Variants in SCMH1 observed in about 807,000 individuals in gnomAD.
SCMH1 encodes the protein polycomb protein SCMH1.
SCMH1 carries 37 observed loss-of-function variants against 70.8 expected under a neutral mutation model. The ratio of observed to expected loss-of-function variants is 0.52; its 90% CI spans 0.40 to 0.69. SCMH1 has a LOEUF of 0.69. SCMH1 is among the 30% of genes least tolerant of loss of function. The pLI is 0.00. For synonymous variants in SCMH1, 292 were observed against 307.4 expected, an observed-to-expected ratio of 0.95 and a Z score of 0.52; for missense variants, 607 against 827.3, an observed-to-expected ratio of 0.73 and a Z score of 3.27.
intron 6 of SCMH1, among the ~76,000 whole-genome samples, chr1:41,118,314 CCTAGAAAACTTTCTAGG>C (rs1470728237): frequency 6.6e-6 from 1 of 152,060 alleles, no homozygotes; most frequent in East Asian, 1.9e-4. Context: ...TAACGTAATG[CCTAGAAAACTTTCTAGG>C]CATTTGAAAA....
chr1:41,046,784 T>C, intron 11 of SCMH1, 186 bp from the exon 12 acceptor site: 1 of 579,240 alleles, frequency 1.7e-6, no homozygotes, highest in Non-Finnish European at 3.1e-6. Flanking sequence ...TGCCTCCAAC[T>C]GTAAAGGGCT....
intron 4 of SCMH1, chr1:41,159,865 G>A (rs1645874040): frequency 7.7e-7 from 1 of 1,296,466 alleles, no homozygotes; most frequent in Non-Finnish European, 9.9e-7. Context: ...ATCCTCCAAA[G>A]TTGAAAAGTA....
intron 8 of SCMH1, among the ~76,000 whole-genome samples, chr1:41,102,259 T>C (rs547056980): frequency 6.6e-6 from 1 of 152,358 alleles, no homozygotes; most frequent in African/African-American, 2.4e-5. Context: ...ATTTGGTTTA[T>C]CAGTTTCCTG....
intron 5 of SCMH1, among the ~76,000 whole-genome samples, chr1:41,147,009 T>C (rs1213188095): frequency 1.3e-5 from 2 of 152,150 alleles, no homozygotes; most frequent in African/African-American, 4.8e-5. Context: ...CCATTCTGCA[T>C]TTTCACCAGC....
At chr1:41,076,173 G>A (rs1175005628) in intron 8 of SCMH1, among the ~76,000 whole-genome samples, 2 of 151,962 alleles carry the variant, frequency 1.3e-5, no homozygotes, top group Admixed American at 6.6e-5. Flanking sequence ...GCCCTTATAT[G>A]TTGAGCTCTC....
chr1:41,236,603 G>A (rs1662432699), intron 1 of SCMH1, among the ~76,000 whole-genome samples: 1 of 152,104 alleles, frequency 6.6e-6, no homozygotes, highest in Non-Finnish European at 1.5e-5. Flanking sequence ...CTGGCGATAA[G>A]GTTATCAAAA....
intron 6 of SCMH1, among the ~76,000 whole-genome samples, chr1:41,127,243 T>C (rs1673425054): frequency 6.6e-6 from 1 of 152,210 alleles, no homozygotes; most frequent in Non-Finnish European, 1.5e-5. Flanking sequence ...GAGTGTTCTT[T>C]ATGAATTAGG....
upstream of SCMH1, chr1:41,242,217 T>G (rs1663747580): frequency 1.4e-5 from 1 of 70,508 alleles, no homozygotes; most frequent in African/African-American, 5.4e-5. This position sits in a 1 kb window ranked among gnomAD's most constrained non-coding sequence, Gnocchi z 5.2. Context: ...CGGTGGCGGC[T>G]GAGGCGGGGG....
intron 6 of SCMH1, among the ~76,000 whole-genome samples, chr1:41,139,478 G>T (rs1051628933): frequency 1.3e-5 from 2 of 152,094 alleles, no homozygotes; most frequent in Non-Finnish European, 2.9e-5. Context: ...TGATCTGTAG[G>T]TTTCTGGAGA....
chr1:41,035,544 C>G (rs1052815861), intron 13 of SCMH1, among the ~76,000 whole-genome samples: 1 of 152,176 alleles, frequency 6.6e-6, no homozygotes, highest in African/African-American at 2.4e-5. Flanking sequence ...CTGACCAGGC[C>G]TTTCTCTATT....
intron 6 of SCMH1, among the ~76,000 whole-genome samples, chr1:41,124,131 G>A (rs1672596955): frequency 6.6e-6 from 1 of 151,852 alleles, no homozygotes; most frequent in South Asian, 2.1e-4. Context: ...GAACAATTAT[G>A]TACCCTTCAA....
At chr1:41,073,644 A>ATCCT (rs1390932022) in intron 9 of SCMH1, among the ~76,000 whole-genome samples, 1 of 151,388 alleles carries the variant, frequency 6.6e-6, no homozygotes, top group Non-Finnish European at 1.5e-5. Flanking sequence ...CCATCCATCC[A>ATCCT]TCCATCCATC....
At chr1:41,029,139 A>T (rs529460270) in intron 13 of SCMH1, among the ~76,000 whole-genome samples, 1 of 152,164 alleles carries the variant, frequency 6.6e-6, no homozygotes, top group Non-Finnish European at 1.5e-5. Flanking sequence ...TGGGCAAAAA[A>T]TACCCTGGAT....
chr1:41,108,743 G>T (rs900577573), intron 8 of SCMH1, among the ~76,000 whole-genome samples: 1 of 152,176 alleles, frequency 6.6e-6, no homozygotes, highest in Non-Finnish European at 1.5e-5. Context: ...TAGGTGAGCT[G>T]ATGAACCTAA....
At position 41,149,553 on chromosome 1, in the gene SCMH1, G is replaced by A. The variant is rs80014186; in HGVS notation, c.177+2061C>T. 5.9e-3 allele frequency among the ~76,000 whole-genome samples: 904 copies of A among 152,140 alleles called. 5 individuals carry two copies. Among genetic ancestry groups the A allele is most frequent in the African/African-American group, 0.02 (842 of 41,488 alleles). ...AGTCTTTGATTGAAAGTTAGATCTG[G>A]TGAATTTTACCTGATGGGTACTGGA... On this transcript the variant is annotated intron_variant, in intron 5 of 14. Transcript: ENST00000337495.
chr1:41,089,787 C>CTTTTTTTCTTTTTTTTTTTT (rs1662812333), intron 8 of SCMH1, among the ~76,000 whole-genome samples: 1 of 58,756 alleles, frequency 1.7e-5, no homozygotes, highest in African/African-American at 7.4e-5. Flanking sequence ...CATGTTGTCT[C>CTTTTTTTCTTTTTTTTTTTT]TTTTTTTTTT....
At chr1:41,163,423 G>A (rs1315601709) in intron 2 of SCMH1, among the ~76,000 whole-genome samples, 1 of 152,214 alleles carries the variant, frequency 6.6e-6, no homozygotes, top group South Asian at 2.1e-4. Flanking sequence ...GTGGGCCCAA[G>A]CAAAACTCAG....
At chr1:41,186,875 C>G (rs889491458) in intron 1 of SCMH1, among the ~76,000 whole-genome samples, 1 of 152,142 alleles carries the variant, frequency 6.6e-6, no homozygotes, top group Non-Finnish European at 1.5e-5. Flanking sequence ...GAACTTCCAG[C>G]CCCCAGAACT....
In SCMH1 at chr1:41,192,525, C is replaced by CACACACACACA. The variant is rs1553171751; in HGVS notation, c.-117-6276_-117-6275insTGTGTGTGTGT. Among the ~76,000 whole-genome samples the CACACACACACA allele has an allele frequency of 2.0e-5, 3 of 149,772 alleles. No individual in the cohort carries two copies. In the South Asian group the frequency reaches 6.4e-4, roughly 32 times the overall value. On this transcript the variant is annotated intron_variant, in intron 1 of 14. Coordinates refer to ENST00000337495, the Ensembl canonical transcript of SCMH1. ...ACACACACACACACACACACACACA[C>CACACACACACA]CACTTAGAACAGTACCTGGCACATA...
Sources: allele counts gnomAD v4.1 joint callset (sites outside exome capture counted in the v4.1 genomes callset), GRCh38; gene constraint gnomAD v4.1.1; non-coding constraint Gnocchi (gnomAD v3.1); transcripts MANE v1.5; gene names NCBI Gene and HGNC (gene_info 2026-07-23, HGNC 2026-07-21).